NCAM2: variants seen among roughly 807,000 people sequenced by gnomAD.
NCAM2 encodes neural cell adhesion molecule 2.
A neutral mutation model predicts 98.1 loss-of-function variants in NCAM2; 30 were observed. The ratio of observed to expected loss-of-function variants is 0.31; its 90% CI spans 0.23 to 0.41. The LOEUF is 0.41. Among genes scored for constraint, NCAM2 ranks in the 10% least tolerant of loss-of-function variants. The pLI, the probability that NCAM2 is intolerant of heterozygous loss-of-function variation, is 1.00. For synonymous variants in NCAM2, 368 were observed against 342.4 expected, an observed-to-expected ratio of 1.07 and a Z score of -0.83; for missense variants, 867 against 1,005.8, an observed-to-expected ratio of 0.86 and a Z score of 1.87.
intron 1 of NCAM2, among the ~76,000 whole-genome samples, chr21:21,122,733 A>C (rs2066701712): frequency 6.6e-6 from 1 of 152,132 alleles, no homozygotes; most frequent in Non-Finnish European, 1.5e-5. Flanking sequence ...GGGGTCAAAG[A>C]GTTTTTGGAA....
At chr21:21,141,274 GTTC>G (rs1300152620) in intron 1 of NCAM2, among the ~76,000 whole-genome samples, 1 of 152,118 alleles carries the variant, frequency 6.6e-6, no homozygotes. Flanking sequence ...TCCTTAGATT[GTTC>G]TTCTATCAGG....
At chr21:21,050,874 A>T (rs1165854221) in intron 1 of NCAM2, among the ~76,000 whole-genome samples, 5 of 152,204 alleles carry the variant, frequency 3.3e-5, no homozygotes, top group African/African-American at 1.2e-4. Flanking sequence ...GTTGTAGGAA[A>T]CATGATTACA....
intron 9 of NCAM2, among the ~76,000 whole-genome samples, chr21:21,404,965 G>GACTC (rs1236853157): frequency 2.6e-5 from 4 of 151,568 alleles, no homozygotes; most frequent in African/African-American, 9.7e-5. Flanking sequence ...AATTTAAAGA[G>GACTC]ACTCCACATG....
intron 4 of NCAM2, among the ~76,000 whole-genome samples, chr21:21,288,072 T>C (rs2032994504): frequency 6.6e-6 from 1 of 151,656 alleles, no homozygotes. Context: ...GTATAACCTA[T>C]GTACATCCTC....
intron 12 of NCAM2, among the ~76,000 whole-genome samples, chr21:21,449,165 T>A (rs1016265347): frequency 6.6e-6 from 1 of 152,040 alleles, no homozygotes; most frequent in Admixed American, 6.6e-5. Context: ...ATGCAAATAC[T>A]TTTTTTAATT....
At chr21:21,351,840 A>G (rs1013337298) in intron 8 of NCAM2, among the ~76,000 whole-genome samples, 4 of 152,090 alleles carry the variant, frequency 2.6e-5, no homozygotes, top group Non-Finnish European at 5.9e-5. Flanking sequence ...TCTCCCTACC[A>G]GGTTCCAGTG....
intron 1 of NCAM2, chr21:21,147,035 C>T (rs1377757992): frequency 1.3e-6 from 1 of 770,098 alleles, no homozygotes; most frequent in Non-Finnish European, 1.5e-6. Flanking sequence ...CGCCCTGTCC[C>T]ACTCCGGAAC....
At position 21,286,343 on chromosome 21, in the gene NCAM2, G is replaced by C; in HGVS notation, c.412G>C (p.Val138Leu). Residue 138 changes from valine (V) to leucine (L), a missense_variant, in exon 4 of 18, where the codon GTT becomes CTT. Coordinates refer to ENST00000400546, the MANE Select transcript of NCAM2 (RefSeq NM_004540.5). ...QGEDAEVVCR[V>L]SSSPAPAVSW... ...AGAAGATGCAGAAGTGGTTTGCCGA[G>C]TTAGCAGTTCACCTGCACCTGCTGT... is the stretch of plus-strand genomic sequence containing the variant. 4 of 1,612,452 alleles carry C rather than the reference G, an allele frequency of 2.5e-6. No homozygotes were observed. The South Asian group carries it at 4.4e-5, about 18-fold the overall frequency.
At chr21:21,402,349 A>G (rs1013336889) in intron 9 of NCAM2, among the ~76,000 whole-genome samples, 6 of 152,048 alleles carry the variant, frequency 3.9e-5, no homozygotes, top group Admixed American at 6.6e-5. Flanking sequence ...TGTCTATCCT[A>G]TGTGGTTGAG....
intron 12 of NCAM2, among the ~76,000 whole-genome samples, chr21:21,458,592 T>C (rs1982499777): frequency 6.6e-6 from 1 of 152,120 alleles, no homozygotes; most frequent in Non-Finnish European, 1.5e-5. Flanking sequence ...AAGTGACATA[T>C]GTATAAACCA....
intron 1 of NCAM2, among the ~76,000 whole-genome samples, chr21:21,272,508 GCACA>G (rs57818703): frequency 0.63 from 93,796 of 149,422 alleles, 30,673 homozygotes; most frequent in Non-Finnish European, 0.75. Flanking sequence ...GCGCGCGCGC[GCACA>G]CACACACACA....
rs1469821358 is a variant in NCAM2 at position 21,541,244 on chromosome 21, T to G, written c.*3287T>G. ...TTAATTAGCATGACAGTCTGCTTTA[T>G]TAAAAGAAAAAAACTACAATTAACA... On this transcript the variant is annotated 3_prime_UTR_variant, in exon 18 of 18. Transcript: ENST00000400546. The G allele has an allele frequency of 1.3e-5, 2 of 151,636 alleles. No homozygotes were observed. Among genetic ancestry groups the G allele is most frequent in the Non-Finnish European group, 3.0e-5 (2 of 67,704 alleles). The allele number at this position is 151,636 out of a possible 1,614,324, so 9.4% of individuals were successfully genotyped here. A position where few individuals can be genotyped will look rare whatever the true frequency, so the allele number is the denominator to read the frequency against.
intron 1 of NCAM2, among the ~76,000 whole-genome samples, chr21:21,135,613 G>A (rs545325083): frequency 8.5e-5 from 13 of 152,242 alleles, no homozygotes; most frequent in African/African-American, 3.1e-4. Flanking sequence ...ATTAGCGGTT[G>A]CATCTTCTAA....
intron 9 of NCAM2, among the ~76,000 whole-genome samples, chr21:21,409,665 T>C (rs1019523932): frequency 1.3e-5 from 2 of 152,222 alleles, no homozygotes; most frequent in African/African-American, 4.8e-5. Context: ...TCAATATGTA[T>C]TTTTTGTCAG....
At chr21:21,080,467 T>C (rs577765655) in intron 1 of NCAM2, among the ~76,000 whole-genome samples, 1 of 151,488 alleles carries the variant, frequency 6.6e-6, no homozygotes, top group Admixed American at 6.6e-5. Flanking sequence ...AAATACAAAA[T>C]TATTCAGGTG....
intron 9 of NCAM2, among the ~76,000 whole-genome samples, chr21:21,388,449 T>C (rs1018894603): frequency 1.3e-5 from 2 of 152,046 alleles, no homozygotes; most frequent in Non-Finnish European, 2.9e-5. Context: ...TTCTAGGAAA[T>C]TCAAGAGGCA....
At chr21:21,119,104 AT>A (rs2052622725) in intron 1 of NCAM2, among the ~76,000 whole-genome samples, 1 of 152,012 alleles carries the variant, frequency 6.6e-6, no homozygotes, top group Admixed American at 6.6e-5. Flanking sequence ...GTCATTTTTC[AT>A]TTGGGAGATC....
intron 8 of NCAM2, among the ~76,000 whole-genome samples, chr21:21,371,161 A>G (rs2075906101): frequency 6.6e-6 from 1 of 151,930 alleles, no homozygotes; most frequent in East Asian, 1.9e-4. Context: ...AAGAGAAGAA[A>G]CTTACAGGGA....
At chr21:21,210,149 A>T (rs966447934) in intron 1 of NCAM2, among the ~76,000 whole-genome samples, 2 of 152,336 alleles carry the variant, frequency 1.3e-5, no homozygotes, top group Admixed American at 1.3e-4. Context: ...GTTTTCTGTT[A>T]TCTCTAATCA....
Sources: allele counts gnomAD v4.1 joint callset (sites outside exome capture counted in the v4.1 genomes callset), GRCh38; gene constraint gnomAD v4.1.1; transcripts MANE v1.5; gene names NCBI Gene and HGNC (gene_info 2026-07-23, HGNC 2026-07-21).